HRH1: variants seen among roughly 807,000 people sequenced by gnomAD.
The protein encoded by HRH1 is histamine H1 receptor.
A neutral mutation model predicts 10.3 loss-of-function variants in HRH1; 6 were observed. That is an observed-to-expected ratio of 0.58 (90% confidence interval 0.32 to 1.15). HRH1 has a LOEUF of 1.15. Among genes scored for constraint, HRH1 ranks in the 50% most tolerant of loss-of-function variants. The pLI is 0.05. For missense variants in HRH1, 514 were observed against 615.3 expected, an observed-to-expected ratio of 0.84 and a Z score of 1.74; for synonymous variants, 242 against 236.7, an observed-to-expected ratio of 1.02 and a Z score of -0.21.
chr3:11,176,197 G>A (rs1338688417), intron 1 of HRH1, among the ~76,000 whole-genome samples: 1 of 150,450 alleles, frequency 6.6e-6, no homozygotes, highest in African/African-American at 2.5e-5. Context: ...GAAATTCAGA[G>A]TAGATTAAAA....
intron 1 of HRH1, among the ~76,000 whole-genome samples, chr3:11,254,603 G>A (rs187868952): frequency 6.6e-5 from 10 of 152,266 alleles, no homozygotes; most frequent in Non-Finnish European, 1.3e-4. Flanking sequence ...ATCACACCAG[G>A]TGGGTCTCGA....
chr3:11,249,842 G>A (rs1939590096), intron 1 of HRH1, among the ~76,000 whole-genome samples: 1 of 152,064 alleles, frequency 6.6e-6, no homozygotes, highest in Admixed American at 6.6e-5. Context: ...TCCAGTCTGA[G>A]GAGAGCCAGG....
chr3:11,202,786 C>G (rs974738317), intron 1 of HRH1, among the ~76,000 whole-genome samples: 2 of 152,180 alleles, frequency 1.3e-5, no homozygotes, highest in African/African-American at 4.8e-5. Flanking sequence ...GCCACAGTTT[C>G]CATGAGGGCT....
chr3:11,194,693 T>C (rs1337370846), intron 1 of HRH1, among the ~76,000 whole-genome samples: 3 of 152,174 alleles, frequency 2.0e-5, no homozygotes, highest in Non-Finnish European at 4.4e-5. Context: ...CGTGCACCTG[T>C]AATCCCAGCT....
At chr3:11,255,505 G>T (rs1405041974) in intron 1 of HRH1, among the ~76,000 whole-genome samples, 1 of 152,174 alleles carries the variant, frequency 6.6e-6, no homozygotes, top group East Asian at 1.9e-4. Context: ...ATCTGAGATA[G>T]GTCTCAGTTA....
At chr3:11,252,449 C>T (rs560303273) in intron 1 of HRH1, among the ~76,000 whole-genome samples, 19 of 152,318 alleles carry the variant, frequency 1.2e-4, no homozygotes, top group Non-Finnish European at 2.6e-4. Flanking sequence ...GAAAATTTCT[C>T]TAGGACTTGT....
chr3:11,202,237 C>T lies in HRH1; in HGVS notation c.-36+47683C>T, dbSNP rs548577077. Among the ~76,000 whole-genome samples, 17 of 152,068 alleles carry T rather than the reference C, an allele frequency of 1.1e-4. No homozygotes were observed. The South Asian group carries it at 3.5e-3, about 32-fold the overall frequency. On this transcript the variant is annotated intron_variant, in intron 1 of 1. Coordinates refer to ENST00000431010, the MANE Select transcript of HRH1 (RefSeq NM_001098212.2). ...TGGCCAACATGGCGAAACCCTGTCT[C>T]TACTAAAAATACAAAAATTGGCCCG...
intron 1 of HRH1, among the ~76,000 whole-genome samples, chr3:11,253,893 G>C (rs1453596872): frequency 2.6e-5 from 4 of 152,064 alleles, no homozygotes; most frequent in Non-Finnish European, 5.9e-5. Context: ...ACTCCATAAG[G>C]GTCATCTAAG....
chr3:11,149,071 C>T (rs1936536899), intron 1 of HRH1, among the ~76,000 whole-genome samples: 1 of 152,146 alleles, frequency 6.6e-6, no homozygotes, highest in Middle Eastern at 3.2e-3. Flanking sequence ...TAGCACGGTT[C>T]TCTGCCCACA....
intron 1 of HRH1, among the ~76,000 whole-genome samples, chr3:11,156,243 T>C (rs2125006031): frequency 1.3e-5 from 2 of 152,286 alleles, no homozygotes; most frequent in South Asian, 4.1e-4. Flanking sequence ...TTTTCAAATG[T>C]GACAGAGAAT....
At chr3:11,148,045 T>C (rs781570152) in intron 1 of HRH1, among the ~76,000 whole-genome samples, 1 of 152,054 alleles carries the variant, frequency 6.6e-6, no homozygotes, top group Non-Finnish European at 1.5e-5. Context: ...CTGGGCATGG[T>C]GGTGCACACC....
chr3:11,170,797 A>C (rs1371008404), intron 1 of HRH1, among the ~76,000 whole-genome samples: 1 of 152,202 alleles, frequency 6.6e-6, no homozygotes, highest in Non-Finnish European at 1.5e-5. Flanking sequence ...GATTTAATTC[A>C]GCTAAGTAAG....
chr3:11,220,832 C>T (rs139740719), intron 1 of HRH1, among the ~76,000 whole-genome samples: 73 of 152,220 alleles, frequency 4.8e-4, no homozygotes, highest in Non-Finnish European at 9.0e-4. Flanking sequence ...CATTATTTTG[C>T]TGCATTTCAT....
intron 1 of HRH1, among the ~76,000 whole-genome samples, chr3:11,228,849 G>A (rs1938965211): frequency 6.6e-6 from 1 of 150,616 alleles, no homozygotes; most frequent in Non-Finnish European, 1.5e-5. Flanking sequence ...AGGAGGTGAA[G>A]TTTGCAGTGA....
At chr3:11,144,754 A>G (rs1936393758) in intron 1 of HRH1, among the ~76,000 whole-genome samples, 1 of 151,818 alleles carries the variant, frequency 6.6e-6, no homozygotes, top group Non-Finnish European at 1.5e-5. Context: ...GCCAACCACG[A>G]CAACACTTAT....
At position 11,262,372 on chromosome 3, in the gene HRH1, T is replaced by C. The variant is rs991711709; in HGVS notation, c.*1871T>C. The C allele has an allele frequency of 1.2e-5, 2 of 167,118 alleles. No homozygotes were observed. The highest frequency in any genetic ancestry group is 6.5e-5 in the Admixed American group (1 of 15,290). 10.4% of individuals were successfully genotyped at this position (167,118 alleles called of 1,614,324 possible). Reference sequence around the variant, plus strand: ...TGTTTTGAAATGTACCATCAAATGTTAACAGAGTTTGATATGGGCTTTCTC... The same window carrying C: ...TGTTTTGAAATGTACCATCAAATGTCAACAGAGTTTGATATGGGCTTTCTC... On this transcript the variant is annotated 3_prime_UTR_variant, in exon 2 of 2. Coordinates refer to ENST00000431010, the MANE Select transcript of HRH1 (RefSeq NM_001098212.2).
At chr3:11,203,998 A>G (rs1408575466) in intron 1 of HRH1, among the ~76,000 whole-genome samples, 1 of 152,200 alleles carries the variant, frequency 6.6e-6, no homozygotes, top group Non-Finnish European at 1.5e-5. Context: ...TAAGCTACCT[A>G]TATGCCTGCT....
intron 1 of HRH1, among the ~76,000 whole-genome samples, chr3:11,192,084 G>A (rs1227855721): frequency 6.6e-6 from 1 of 152,202 alleles, no homozygotes; most frequent in African/African-American, 2.4e-5. Context: ...TGGGCATGAT[G>A]AGTCACCTAT....
intron 1 of HRH1, among the ~76,000 whole-genome samples, chr3:11,162,555 C>G (rs545122135): frequency 6.8e-6 from 1 of 146,922 alleles, no homozygotes; most frequent in Admixed American, 6.8e-5. Flanking sequence ...AACAGCTCTA[C>G]GAGATGCATA....
Sources: allele counts gnomAD v4.1 joint callset (sites outside exome capture counted in the v4.1 genomes callset), GRCh38; gene constraint gnomAD v4.1.1; transcripts MANE v1.5; gene names NCBI Gene and HGNC (gene_info 2026-07-23, HGNC 2026-07-21).